The following KIAA1671 variants were observed in gnomAD, a reference collection of about 807,000 sequenced individuals.
KIAA1671 encodes the protein uncharacterized protein KIAA1671.
Under a neutral mutation model 131.2 loss-of-function variants are expected in KIAA1671, and 52 were observed. The observed-to-expected ratio is 0.40, with a 90% CI of 0.32 to 0.50. KIAA1671 has a LOEUF of 0.50. Ranked by LOEUF, KIAA1671 falls within the 20% of genes least tolerant of loss-of-function variation. The pLI is 0.73. For synonymous variants in KIAA1671, 1,003 were observed against 961.6 expected (o/e 1.04, Z -0.80); for missense variants, 2,360 against 2,364.2 (o/e 1.00, Z 0.04).
intron 6 of KIAA1671, among the ~76,000 whole-genome samples, chr22:25,167,121 G>A (rs781690560): frequency 1.3e-5 from 2 of 152,210 alleles, no homozygotes; most frequent in African/African-American, 4.8e-5. Flanking sequence ...GAATTCTGTC[G>A]ATGGTGCTGT....
chr22:25,164,860 A>G (rs1181554436), intron 6 of KIAA1671, among the ~76,000 whole-genome samples: 1 of 151,870 alleles, frequency 6.6e-6, no homozygotes, highest in Non-Finnish European at 1.5e-5. Flanking sequence ...AGGCAGGAGA[A>G]TCACTTGAAT....
intron 6 of KIAA1671, among the ~76,000 whole-genome samples, chr22:25,158,158 G>T (rs1933308559): frequency 6.6e-6 from 1 of 152,202 alleles, no homozygotes; most frequent in Non-Finnish European, 1.5e-5. Flanking sequence ...GTTTTAAAAA[G>T]CAACAAGAAT....
At chr22:24,982,535 C>G (rs556729558) in intron 1 of KIAA1671, among the ~76,000 whole-genome samples, 5 of 152,298 alleles carry the variant, frequency 3.3e-5, no homozygotes, top group African/African-American at 1.2e-4. Flanking sequence ...GAGGCAGGAG[C>G]CAGGTGGGTG....
intron 6 of KIAA1671, among the ~76,000 whole-genome samples, chr22:25,124,659 G>A (rs1337291234): frequency 3.3e-5 from 5 of 152,182 alleles, no homozygotes; most frequent in African/African-American, 1.2e-4. Flanking sequence ...CATAATAAAT[G>A]CCAGGCACAG....
chr22:24,970,360 G>T (rs1421968392), intron 1 of KIAA1671, among the ~76,000 whole-genome samples: 1 of 152,220 alleles, frequency 6.6e-6, no homozygotes, highest in Non-Finnish European at 1.5e-5. Context: ...GAGCCATAGG[G>T]CAGGGCAGGT....
chr22:25,040,682 C>T lies in KIAA1671; in HGVS notation c.3552C>T (p.Asp1184=). The change falls in exon 5 of 13, where the codon GAC becomes GAT. Residue 1184 remains aspartate, a synonymous_variant. Coordinates refer to ENST00000358431, the MANE Select transcript of KIAA1671 (RefSeq NM_001145206.2). ...PVRRKTDVIS[D]TFPGKIRDGY... is the part of the protein sequence containing the mutation. ...GAAGGAAGACTGATGTGATCAGTGA[C>T]ACGTTCCCAGGTAAAATCAGAGATG... 2 of 1,552,180 alleles carry T rather than the reference C, an allele frequency of 1.3e-6. No individual in the cohort carries two copies. The highest frequency in any genetic ancestry group is 1.7e-6 in the Non-Finnish European group (2 of 1,147,096).
At chr22:25,141,369 A>G (rs934428085) in intron 6 of KIAA1671, among the ~76,000 whole-genome samples, 9 of 151,518 alleles carry the variant, frequency 5.9e-5, no homozygotes, top group Middle Eastern at 3.2e-3. Flanking sequence ...AGTAGCTGGG[A>G]CTACAGGCGC....
intron 4 of KIAA1671, 110 bp downstream of exon 4, chr22:25,032,806 A>T: frequency 1.8e-6 from 1 of 559,484 alleles, no homozygotes; most frequent in South Asian, 3.5e-5. Flanking sequence ...GAAACATGTC[A>T]TGCACACGAT....
At chr22:25,030,395 C>T (rs1283655887) in intron 3 of KIAA1671, among the ~76,000 whole-genome samples, 1 of 151,916 alleles carries the variant, frequency 6.6e-6, no homozygotes, top group Non-Finnish European at 1.5e-5. Context: ...ATTAGCCAGG[C>T]GTGGTGGCAG....
At position 25,042,474 on chromosome 22, in the gene KIAA1671, T is replaced by G. The variant is rs962149498; in HGVS notation, c.4395+949T>G. On this transcript the variant is annotated intron_variant, in intron 5 of 12. Coordinates refer to ENST00000358431, the MANE Select transcript of KIAA1671 (RefSeq NM_001145206.2). ...TCCAGCAGTCCCTTGTTTTTTTTTT[T>G]TTTTTTTTTTGAGACGGAGTCTCAC... Among the ~76,000 whole-genome samples, 47 of 147,504 alleles carry G rather than the reference T, an allele frequency of 3.2e-4. 2 individuals carry two copies. The highest frequency in any genetic ancestry group is 7.5e-5 in the Non-Finnish European group (5 of 67,004).
chr22:25,085,372 C>T (rs562887211), intron 6 of KIAA1671, among the ~76,000 whole-genome samples: 1 of 152,286 alleles, frequency 6.6e-6, no homozygotes, highest in East Asian at 1.9e-4. Flanking sequence ...TTTTCTCTTC[C>T]TCCTCTGAAC....
At chr22:25,113,980 C>A (rs1931524289) in intron 6 of KIAA1671, among the ~76,000 whole-genome samples, 1 of 152,198 alleles carries the variant, frequency 6.6e-6, no homozygotes, top group African/African-American at 2.4e-5. Flanking sequence ...ATCCCTCTTT[C>A]CCCACCCTGG....
intron 6 of KIAA1671, among the ~76,000 whole-genome samples, chr22:25,108,698 C>A (rs1404528268): frequency 6.6e-6 from 1 of 152,202 alleles, no homozygotes; most frequent in Non-Finnish European, 1.5e-5. Context: ...AAGAGCCCCC[C>A]ACCCCATCTT....
chr22:25,102,226 A>G (rs1037263654), intron 6 of KIAA1671, among the ~76,000 whole-genome samples: 5 of 152,142 alleles, frequency 3.3e-5, no homozygotes, highest in Non-Finnish European at 5.9e-5. Flanking sequence ...TTCCTAGGAG[A>G]TATCAGAGAG....
intron 6 of KIAA1671, among the ~76,000 whole-genome samples, chr22:25,142,740 C>T (rs1415618560): frequency 1.3e-5 from 2 of 152,132 alleles, no homozygotes; most frequent in African/African-American, 2.4e-5. Context: ...GGTGTGGTGG[C>T]AGACTTCTGT....
intron 6 of KIAA1671, among the ~76,000 whole-genome samples, chr22:25,125,786 C>T (rs1280758541): frequency 6.6e-6 from 1 of 152,198 alleles, no homozygotes; most frequent in East Asian, 1.9e-4. Flanking sequence ...AAGAGCTCAT[C>T]CTGGGATGTG....
chr22:25,086,780 G>A (rs1016458795), intron 6 of KIAA1671, among the ~76,000 whole-genome samples: 3 of 152,152 alleles, frequency 2.0e-5, no homozygotes, highest in African/African-American at 4.8e-5. Flanking sequence ...TGACCAAGGC[G>A]CCAGTCCGAA....
chr22:25,083,365 G>C (rs1056201487), intron 6 of KIAA1671, among the ~76,000 whole-genome samples: 5 of 152,112 alleles, frequency 3.3e-5, no homozygotes, highest in Non-Finnish European at 7.3e-5. Flanking sequence ...CAACTTTACA[G>C]GCCCTATTTT....
chr22:24,976,833 T>G (rs185566160), intron 1 of KIAA1671, among the ~76,000 whole-genome samples: 194 of 129,612 alleles, frequency 1.5e-3, no homozygotes, highest in African/African-American at 4.8e-3. Flanking sequence ...GTGGAAACTC[T>G]GGCTTCCCGG....
Sources: gnomAD v4.1 joint callset for allele counts (sites outside exome capture counted in the v4.1 genomes callset) on GRCh38, gnomAD v4.1.1 for gene constraint, MANE v1.5 for transcripts, NCBI Gene and HGNC (gene_info 2026-07-23, HGNC 2026-07-21) for gene names.